Variants in CORIN observed in about 807,000 individuals in gnomAD.
The protein encoded by CORIN is atrial natriuretic peptide-converting enzyme.
In CORIN, 117 loss-of-function variants were observed where a neutral mutation model predicts 125.3. That is an observed-to-expected ratio of 0.93 (90% CI 0.80 to 1.09). CORIN has a LOEUF of 1.09. Among genes scored for constraint, CORIN ranks in the 50% least tolerant of loss-of-function variants. CORIN has a pLI of 0.00. For synonymous variants in CORIN, 450 were observed against 466.4 expected (o/e 0.96, Z 0.45); for missense variants, 1,253 against 1,306.7 (o/e 0.96, Z 0.63).
At chr4:47,791,530 G>A (rs1316110742) in intron 2 of CORIN, among the ~76,000 whole-genome samples, 1 of 152,186 alleles carries the variant, frequency 6.6e-6, no homozygotes, top group African/African-American at 2.4e-5. Context: ...CATCAACTGA[G>A]TTAACCTTCC....
chr4:47,669,548 C>G (rs1023611705), intron 10 of CORIN, among the ~76,000 whole-genome samples: 6 of 138,118 alleles, frequency 4.3e-5, no homozygotes, highest in African/African-American at 1.6e-4. Context: ...CACTTCCTTG[C>G]TCTTCTATAT....
chr4:47,721,046 C>T (rs982918131), intron 5 of CORIN, among the ~76,000 whole-genome samples: 2 of 152,106 alleles, frequency 1.3e-5, no homozygotes, highest in Non-Finnish European at 2.9e-5. Flanking sequence ...AAACAAGAAA[C>T]ATTTATTTTT....
intron 2 of CORIN, among the ~76,000 whole-genome samples, chr4:47,792,838 A>T (rs73150686): frequency 0.012 from 1,785 of 152,260 alleles, 47 homozygotes; most frequent in African/African-American, 0.04. Context: ...ATCAATTTGG[A>T]CCCTGAAGGA....
At chr4:47,828,185 A>G (rs182059088) in intron 1 of CORIN, among the ~76,000 whole-genome samples, 2 of 152,248 alleles carry the variant, frequency 1.3e-5, no homozygotes, top group African/African-American at 2.4e-5. Context: ...AATTCCTGAC[A>G]CAGGACTCCT....
At chr4:47,749,603 C>T (rs926408236) in intron 4 of CORIN, among the ~76,000 whole-genome samples, 8 of 152,280 alleles carry the variant, frequency 5.3e-5, no homozygotes, top group Admixed American at 3.9e-4. Flanking sequence ...CCCAGATATC[C>T]GGCCCATAGC....
chr4:47,639,469 A>G (rs1264515432), intron 16 of CORIN, among the ~76,000 whole-genome samples: 2 of 152,182 alleles, frequency 1.3e-5, no homozygotes, highest in Non-Finnish European at 2.9e-5. Context: ...ATAAGCAGAT[A>G]CTCAAAAATA....
chr4:47,670,863 A>C (rs994341669), intron 10 of CORIN, among the ~76,000 whole-genome samples: 5 of 152,196 alleles, frequency 3.3e-5, no homozygotes, highest in African/African-American at 1.2e-4. Context: ...TGGCACAGAA[A>C]TGTTAAAGAT....
At chr4:47,709,158 G>A (rs746345694) in intron 5 of CORIN, among the ~76,000 whole-genome samples, 1 of 152,040 alleles carries the variant, frequency 6.6e-6, no homozygotes, top group Non-Finnish European at 1.5e-5. Context: ...AATAAGGTAG[G>A]AGATGTCATA....
chr4:47,808,733 A>C (rs934524956), intron 1 of CORIN, among the ~76,000 whole-genome samples: 5 of 152,256 alleles, frequency 3.3e-5, no homozygotes, highest in Non-Finnish European at 7.3e-5. Flanking sequence ...ATAAGTGTAC[A>C]ACACTTACCT....
At chr4:47,698,765 T>C (rs1298142309) in intron 5 of CORIN, among the ~76,000 whole-genome samples, 1 of 152,168 alleles carries the variant, frequency 6.6e-6, no homozygotes, top group Non-Finnish European at 1.5e-5. Flanking sequence ...ATGTACCACG[T>C]AACAACATTT....
At position 47,794,936 on chromosome 4, in the gene CORIN, T is replaced by A. The variant is rs150903154; in HGVS notation, c.209-8011A>T. On this transcript the variant is annotated intron_variant, in intron 2 of 21. Transcript: ENST00000273857. ...TATGGTTTCCAGTTTTATGTTTTAG[T>A]CTTTAATCCATTTTGACTTGATTTT... Among the ~76,000 whole-genome samples the A allele has an allele frequency of 9.7e-3, 1,480 of 152,258 alleles. 83 individuals carry two copies. Among genetic ancestry groups the A allele is most frequent in the Admixed American group, 0.09 (1,368 of 15,268 alleles).
intron 16 of CORIN, among the ~76,000 whole-genome samples, chr4:47,639,785 A>G (rs1172653561): frequency 2.0e-5 from 3 of 152,228 alleles, no homozygotes; most frequent in Admixed American, 6.5e-5. Flanking sequence ...CTCGAGAGAC[A>G]GTGGTCACAT....
intron 1 of CORIN, among the ~76,000 whole-genome samples, chr4:47,831,905 A>C (rs1474731667): frequency 6.6e-6 from 1 of 152,216 alleles, no homozygotes; most frequent in Non-Finnish European, 1.5e-5. Context: ...AACACACACC[A>C]GGAAGGCCAT....
At chr4:47,701,331 AGT>A (rs1385182924) in intron 5 of CORIN, among the ~76,000 whole-genome samples, 1 of 152,246 alleles carries the variant, frequency 6.6e-6, no homozygotes, top group Non-Finnish European at 1.5e-5. Context: ...CCTGAAATTA[AGT>A]CAACTCATTG....
At chr4:47,739,100 G>A (rs1728264005) in intron 5 of CORIN, among the ~76,000 whole-genome samples, 1 of 151,932 alleles carries the variant, frequency 6.6e-6, no homozygotes, top group African/African-American at 2.4e-5. Flanking sequence ...CATAATGGGA[G>A]TCCCAGAAAG....
At chr4:47,757,458 G>C (rs956570434) in intron 4 of CORIN, among the ~76,000 whole-genome samples, 1 of 151,978 alleles carries the variant, frequency 6.6e-6, no homozygotes, top group African/African-American at 2.4e-5. Flanking sequence ...GCCAGGCGCG[G>C]TGGTGGGCGC....
chr4:47,625,423 C>CGTT (rs1722513216), intron 17 of CORIN, among the ~76,000 whole-genome samples: 1 of 151,766 alleles, frequency 6.6e-6, no homozygotes, highest in Non-Finnish European at 1.5e-5. Flanking sequence ...ATCTAGAATG[C>CGTT]ATTATTTATT....
chr4:47,781,075 T>A (rs928578097), intron 3 of CORIN, among the ~76,000 whole-genome samples: 2 of 152,022 alleles, frequency 1.3e-5, no homozygotes, highest in African/African-American at 4.8e-5. Flanking sequence ...AAGTAGGTCT[T>A]CATCAGTAAT....
intron 12 of CORIN, among the ~76,000 whole-genome samples, chr4:47,657,756 C>A (rs1268889285): frequency 6.6e-6 from 1 of 151,872 alleles, no homozygotes; most frequent in Non-Finnish European, 1.5e-5. Context: ...GAAGGAGGCA[C>A]CATGACCAGA....
Sources: allele counts gnomAD v4.1 joint callset (sites outside exome capture counted in the v4.1 genomes callset), GRCh38; gene constraint gnomAD v4.1.1; transcripts MANE v1.5; gene names NCBI Gene and HGNC (gene_info 2026-07-23, HGNC 2026-07-21).